Variants in PLXDC2 observed in about 807,000 individuals in gnomAD.
PLXDC2 encodes plexin domain containing 2.
In PLXDC2, 40 loss-of-function variants were observed where a neutral mutation model predicts 68.9. That is an observed-to-expected ratio of 0.58 (90% CI 0.45 to 0.76). The LOEUF is 0.76. Among genes scored for constraint, PLXDC2 ranks in the 30% least tolerant of loss-of-function variants. PLXDC2 has a pLI of 0.00. For synonymous variants in PLXDC2, 243 were observed against 234.2 expected (o/e 1.04, Z -0.34); for missense variants, 644 against 661.9 (o/e 0.97, Z 0.30).
chr10:20,057,248 T>G (rs573418797), intron 3 of PLXDC2, among the ~76,000 whole-genome samples: 1 of 147,186 alleles, frequency 6.8e-6, no homozygotes, highest in African/African-American at 2.7e-5. Context: ...TGGAATATAA[T>G]TTTTTTTAGA....
chr10:20,199,540 C>T (rs1300889902), intron 9 of PLXDC2, among the ~76,000 whole-genome samples: 1 of 151,832 alleles, frequency 6.6e-6, no homozygotes, highest in Non-Finnish European at 1.5e-5. Flanking sequence ...TTAAGAAATG[C>T]AATGATTTAA....
chr10:19,840,380 G>A (rs1157518250), intron 1 of PLXDC2, among the ~76,000 whole-genome samples: 3 of 152,034 alleles, frequency 2.0e-5, no homozygotes. Flanking sequence ...GGGCTATCTG[G>A]TCCAATCTCT....
intron 13 of PLXDC2, among the ~76,000 whole-genome samples, chr10:20,266,240 G>C (rs913294036): frequency 8.6e-5 from 13 of 151,874 alleles, no homozygotes; most frequent in Non-Finnish European, 1.9e-4. Context: ...GTGGTTTATA[G>C]AAAGAGGACC....
At chr10:20,161,029 G>A (rs537345856) in intron 6 of PLXDC2, among the ~76,000 whole-genome samples, 12 of 152,250 alleles carry the variant, frequency 7.9e-5, no homozygotes, top group African/African-American at 2.9e-4. Flanking sequence ...AAATTAGGAT[G>A]AGCAATACTA....
At chr10:19,948,000 C>T (rs775804345) in intron 1 of PLXDC2, among the ~76,000 whole-genome samples, 1 of 152,136 alleles carries the variant, frequency 6.6e-6, no homozygotes, top group Non-Finnish European at 1.5e-5. Context: ...GTGTTACTCA[C>T]TTTAATAACT....
Position 20,068,150 on chromosome 10 carries a change from T to G in PLXDC2, c.472-20T>G. 3.1e-6 allele frequency: 5 copies of G among 1,599,064 alleles called. No individual in the cohort carries two copies. In the South Asian group the frequency reaches 5.5e-5, roughly 18 times the overall value. ...ATGCTACACATTATTGATTTTTTTC[T>G]CTGGTGTTGTTCTTTGCAGAGAGTG... is the stretch of plus-strand genomic sequence containing the variant. On this transcript the variant is annotated intron_variant, in intron 3 of 13. Coordinates refer to ENST00000377252, the MANE Select transcript of PLXDC2 (RefSeq NM_032812.9).
chr10:20,018,162 CCAGTTG>C (rs1204631557), intron 2 of PLXDC2, among the ~76,000 whole-genome samples: 2 of 152,174 alleles, frequency 1.3e-5, no homozygotes, highest in Admixed American at 1.3e-4. Flanking sequence ...CAGTGGGCCC[CCAGTTG>C]CTATTGCTAG....
chr10:20,288,966 A>AG lies in PLXDC2; in HGVS notation c.*9152dup, dbSNP rs1156950664. ...GAGTCAACAAATTTGGGATTTTAGA[A>AG]GGGGGAGGAGGGAGCTATTTGTGTA... On this transcript the variant is annotated 3_prime_UTR_variant, in exon 14 of 14. Transcript: ENST00000377252. 2 of 152,160 alleles carry AG rather than the reference A, an allele frequency of 1.3e-5. No individual in the cohort carries two copies. The allele number at this position is 152,160 out of a possible 1,614,324, so 9.4% of individuals were successfully genotyped here.
At chr10:19,927,871 G>A (rs1038565242) in intron 1 of PLXDC2, among the ~76,000 whole-genome samples, 5 of 151,822 alleles carry the variant, frequency 3.3e-5, no homozygotes, top group East Asian at 3.9e-4. Context: ...CAGATTAATC[G>A]TACAGTGGTA....
chr10:19,895,844 CAGG>C (rs1838047793), intron 1 of PLXDC2, among the ~76,000 whole-genome samples: 1 of 152,062 alleles, frequency 6.6e-6, no homozygotes, highest in Admixed American at 6.6e-5. Context: ...TGATTGAGGC[CAGG>C]AGTTTGAGGG....
Position 20,066,400 on chromosome 10 carries a change from G to A in PLXDC2, c.472-1770G>A, listed in dbSNP as rs536303116. On this transcript the variant is annotated intron_variant, in intron 3 of 13. Transcript: ENST00000377252. ...GAGATACATGTTTAAATCAAACTCT[G>A]ACTCTGAAAGTGAGAATGCATAAGG... Among the ~76,000 whole-genome samples, 8 of 152,330 alleles carry A rather than the reference G, an allele frequency of 5.3e-5. No individual in the cohort carries two copies. The South Asian group carries it at 1.2e-3, about 24-fold the overall frequency.
chr10:19,852,727 A>G (rs949718143), intron 1 of PLXDC2, among the ~76,000 whole-genome samples: 2 of 152,196 alleles, frequency 1.3e-5, no homozygotes, highest in African/African-American at 4.8e-5. Flanking sequence ...CATTTAGTTA[A>G]TAAAAAATCT....
intron 1 of PLXDC2, among the ~76,000 whole-genome samples, chr10:19,903,274 C>T (rs759471420): frequency 6.6e-6 from 1 of 150,726 alleles, no homozygotes; most frequent in Non-Finnish European, 1.5e-5. Flanking sequence ...TTGAATGTCT[C>T]ATAGAATTCA....
chr10:19,820,126 A>G lies in PLXDC2; in HGVS notation c.112+2935A>G, dbSNP rs1429165978. Among the ~76,000 whole-genome samples the G allele has an allele frequency of 3.9e-5, 6 of 152,338 alleles. No individual in the cohort carries two copies. The East Asian group carries it at 1.2e-3, about 29-fold the overall frequency. On this transcript the variant is annotated intron_variant, in intron 1 of 13. Transcript: ENST00000377252. ...AATTGTAGTGTAGAACATTTATATC[A>G]AAGGTAATTTTTGTTGTTGTTGTTC...
intron 1 of PLXDC2, among the ~76,000 whole-genome samples, chr10:19,820,552 G>T (rs377190643): frequency 4.7e-4 from 71 of 151,820 alleles, no homozygotes; most frequent in African/African-American, 1.0e-3. Flanking sequence ...GAGAATGGCG[G>T]GAACCCGGGA....
At chr10:20,075,853 A>T (rs1216230772) in intron 4 of PLXDC2, among the ~76,000 whole-genome samples, 1 of 152,194 alleles carries the variant, frequency 6.6e-6, no homozygotes, top group Middle Eastern at 3.2e-3. Context: ...CTCCAGGCTC[A>T]TCCCCTTCCA....
chr10:20,256,281 C>G (rs1835741079), intron 13 of PLXDC2, among the ~76,000 whole-genome samples: 1 of 151,784 alleles, frequency 6.6e-6, no homozygotes, highest in Non-Finnish European at 1.5e-5. Flanking sequence ...TACAGGCGCC[C>G]ACCATGACAC....
intron 12 of PLXDC2, among the ~76,000 whole-genome samples, chr10:20,232,211 C>T (rs1385539793): frequency 6.6e-6 from 1 of 152,062 alleles, no homozygotes; most frequent in East Asian, 1.9e-4. Context: ...CTAAACACTA[C>T]ACAACACTAA....
chr10:20,066,368 T>C (rs1165079099), intron 3 of PLXDC2, among the ~76,000 whole-genome samples: 3 of 152,234 alleles, frequency 2.0e-5, no homozygotes, highest in Non-Finnish European at 4.4e-5. Flanking sequence ...ATTGATAGGG[T>C]TCATTAGAGA....
Sources: gnomAD v4.1 joint callset for allele counts (sites outside exome capture counted in the v4.1 genomes callset) on GRCh38, gnomAD v4.1.1 for gene constraint, MANE v1.5 for transcripts, NCBI Gene and HGNC (gene_info 2026-07-23, HGNC 2026-07-21) for gene names.